AMOTL2: variants seen among roughly 807,000 people sequenced by gnomAD.
AMOTL2 encodes angiomotin like 2, also known as angiomotin-like protein 2.
AMOTL2 carries 33 observed loss-of-function variants against 78.4 expected under a neutral mutation model. The ratio of observed to expected loss-of-function variants is 0.42; its 90% confidence interval spans 0.32 to 0.56. The LOEUF is 0.56. AMOTL2 is among the 20% of genes least tolerant of loss of function. The pLI is 0.12. For synonymous variants in AMOTL2, 422 were observed against 428.8 expected, an observed-to-expected ratio of 0.98 and a Z score of 0.20; for missense variants, 983 against 1,030.1, an observed-to-expected ratio of 0.95 and a Z score of 0.63.
rs899585013 is a variant in AMOTL2, at chr3:134,371,116, G to A, written c.318C>T (p.Thr106=). The A allele has an allele frequency of 6.2e-7, 1 of 1,613,346 alleles. No individual in the cohort carries two copies. The highest frequency in any genetic ancestry group is 2.2e-5 in the East Asian group (1 of 44,858). Residue 106 remains threonine (T), a synonymous_variant, in exon 2 of 10, where the codon ACC becomes ACT. Coordinates refer to ENST00000249883, the MANE Select transcript of AMOTL2 (RefSeq NM_016201.4). ...PQPSKGEELP[T]YEEAKAHSQY... is the part of the protein sequence containing the mutation. The stretch of plus-strand genomic sequence containing the variant: ...GCGAGTGGGCTTTGGCCTCCTCATA[G>A]GTGGGCAGCTCCTCTCCCTTGCTGG...
intron 1 of AMOTL2, among the ~76,000 whole-genome samples, chr3:134,373,058 C>A (rs543737333): frequency 6.6e-6 from 1 of 152,270 alleles, no homozygotes; most frequent in South Asian, 2.1e-4. Context: ...TTTTCCCTCT[C>A]CCCACCCCAG....
At chr3:134,374,791 C>A, upstream of AMOTL2, 10 of 1,031,126 alleles carry the variant, frequency 9.7e-6, no homozygotes, top group Non-Finnish European at 1.2e-5. Flanking sequence ...TTATCGCCTC[C>A]ACTCCCAGTC....
upstream of AMOTL2, chr3:134,374,755 G>C (rs2018028074): frequency 1.3e-5 from 13 of 995,218 alleles, no homozygotes; most frequent in South Asian, 5.8e-4. Context: ...GGAGCTGCTG[G>C]AGACAATTTA....
chr3:134,371,863 A>G (rs1183715953), intron 1 of AMOTL2: 2 of 210,378 alleles, frequency 9.5e-6, no homozygotes, highest in Non-Finnish European at 1.9e-5. Flanking sequence ...GACAACAGGA[A>G]ACCAGAAGAT....
intron 5 of AMOTL2, 59 bp downstream of exon 5, chr3:134,365,758 T>C: frequency 6.1e-6 from 9 of 1,471,696 alleles, no homozygotes; most frequent in South Asian, 1.2e-5. Flanking sequence ...GTCCAGAGGG[T>C]GTGCAGCAGT....
At chr3:134,369,292 G>T (rs1272207804) in intron 2 of AMOTL2, among the ~76,000 whole-genome samples, 3 of 152,118 alleles carry the variant, frequency 2.0e-5, no homozygotes, top group Non-Finnish European at 4.4e-5. Context: ...GCTCCCCCCT[G>T]CACTGGGCCA....
intron 5 of AMOTL2, among the ~76,000 whole-genome samples, chr3:134,364,282 G>A (rs909861222): frequency 5.3e-5 from 8 of 151,948 alleles, no homozygotes; most frequent in Non-Finnish European, 1.2e-4. Flanking sequence ...GCGGCTGCAA[G>A]ATTAATGGCT....
Position 134,370,991 on chromosome 3 carries a change from C to A in AMOTL2, c.443G>T (p.Arg148Leu). 6.2e-7 allele frequency: 1 copy of A among 1,602,754 alleles called. No homozygotes were observed. Among genetic ancestry groups the A allele is most frequent in the Non-Finnish European group, 8.5e-7 (1 of 1,174,660 alleles). Residue 148 changes from arginine (R) to leucine (L), a missense_variant, in exon 2 of 10, where the codon CGG (arginine) becomes CTG (leucine). Transcript: ENST00000249883. ...GCGCACGTGCCCATGCCTCAGCTCCCGCAGGGCCTCGTCCTGCCTCCGACT... is the reference window on the plus strand; with the variant it reads ...GCGCACGTGCCCATGCCTCAGCTCCAGCAGGGCCTCGTCCTGCCTCCGACT... ...GGSRRQDEAL[R>L]ELRHGHVRSL...
intron 2 of AMOTL2, 143 bp from the exon 3 acceptor site, chr3:134,367,946 C>A: frequency 1.5e-6 from 1 of 673,298 alleles, no homozygotes; most frequent in Non-Finnish European, 2.4e-6. Context: ...AAAATTACTG[C>A]AGATAATTAT....
intron 5 of AMOTL2, among the ~76,000 whole-genome samples, chr3:134,364,520 G>A (rs2017524853): frequency 6.6e-6 from 1 of 151,868 alleles, no homozygotes; most frequent in South Asian, 2.1e-4. Context: ...GAAACCCCAG[G>A]GCTGCCCCCT....
chr3:134,358,748 A>G (rs1212099925), intron 8 of AMOTL2, 29 bp from the exon 9 acceptor site: 1 of 1,613,382 alleles, frequency 6.2e-7, no homozygotes, highest in Non-Finnish European at 8.5e-7. Flanking sequence ...GGTTATTGCC[A>G]TGCCTGTAAG....
At position 134,358,641 on chromosome 3, in the gene AMOTL2, C is replaced by T; in HGVS notation, c.2183G>A (p.Ser728Asn). 1 of 1,613,706 alleles carries T rather than the reference C, an allele frequency of 6.2e-7. No homozygotes were observed. Among genetic ancestry groups the T allele is most frequent in the East Asian group, 2.2e-5 (1 of 44,856 alleles). Residue 728 changes from serine (S) to asparagine (N), a missense_variant, in exon 9 of 10, where the codon AGC becomes AAC. Transcript: ENST00000249883. Reference sequence around the variant, plus strand: ...GTCTGGGGGGCCCTCAGTCTGGGTGCTCCCATCTCTGCTCCCGTGTTTGGC... The same window carrying T: ...GTCTGGGGGGCCCTCAGTCTGGGTGTTCCCATCTCTGCTCCCGTGTTTGGC... Reference protein sequence around the residue: ...AHAKHGSRDGSTQTEGPPDST... With the variant: ...AHAKHGSRDGNTQTEGPPDST...
Position 134,371,499 on chromosome 3 carries a change from A to C in AMOTL2, c.-61-5T>G. On this transcript the variant is annotated splice_region_variant and splice_polypyrimidine_tract_variant and intron_variant, in intron 1 of 9. Coordinates refer to ENST00000249883, the MANE Select transcript of AMOTL2 (RefSeq NM_016201.4). ...TGGCACCTGGCCCCAGAGCACCTGG[A>C]GTGGGGTGGGGAGAGAGAGAGAGAA... 1.3e-6 allele frequency: 2 copies of C among 1,586,336 alleles called. No homozygotes were observed. The highest frequency in any genetic ancestry group is 1.7e-6 in the Non-Finnish European group (2 of 1,170,100).
In AMOTL2 at chr3:134,371,349, GCGTCTCAGT is replaced by G; in HGVS notation, c.76_84del (p.Thr26_Thr28del). 6.2e-7 allele frequency: 1 copy of G among 1,611,140 alleles called. No individual in the cohort carries two copies. Among genetic ancestry groups the G allele is most frequent in the Non-Finnish European group, 8.5e-7 (1 of 1,180,016 alleles). Reference sequence around the variant, plus strand: ...TGCTGCTGGATGGCTAGCAGCGTGCGCGTCTCAGTCAGGTTGCCGTAGCGCAGCTGCTCC... The same window carrying G: ...TGCTGCTGGATGGCTAGCAGCGTGCGCAGGTTGCCGTAGCGCAGCTGCTCC... On this transcript the variant is annotated inframe_deletion, in exon 2 of 10. Transcript: ENST00000249883.
At chr3:134,360,073 C>G (rs200489847) in intron 7 of AMOTL2, 33 bp downstream of exon 7, 17 of 1,583,770 alleles carry the variant, frequency 1.1e-5, no homozygotes, top group African/African-American at 4.0e-5. Flanking sequence ...ACCCACCCCC[C>G]CAACCTCAGG....
Position 134,355,779 on chromosome 3 carries a change from G to A in AMOTL2, c.*1926C>T, listed in dbSNP as rs951686342. ...CACAAAATTCCTAAATTCTATCTTGGGTCCTTGAAGAGATTGGACTATGAC... is the reference window on the plus strand; with the variant it reads ...CACAAAATTCCTAAATTCTATCTTGAGTCCTTGAAGAGATTGGACTATGAC... On this transcript the variant is annotated 3_prime_UTR_variant, in exon 10 of 10. Coordinates refer to ENST00000249883, the MANE Select transcript of AMOTL2 (RefSeq NM_016201.4). 2.6e-5 allele frequency: 4 copies of A among 152,530 alleles called. No individual in the cohort carries two copies. Among genetic ancestry groups the A allele is most frequent in the African/African-American group, 9.7e-5 (4 of 41,410 alleles). The allele number at this position is 152,530 out of a possible 1,614,324, so 9.4% of individuals were successfully genotyped here.
intron 8 of AMOTL2, 75 bp downstream of exon 8, chr3:134,359,208 G>T: frequency 6.6e-7 from 1 of 1,526,132 alleles, no homozygotes; most frequent in Non-Finnish European, 9.0e-7. Context: ...GTTCTGGGAG[G>T]AAAGGTCTGG....
chr3:134,364,923 C>G (rs1251137706), intron 5 of AMOTL2, among the ~76,000 whole-genome samples: 1 of 152,138 alleles, frequency 6.6e-6, no homozygotes, highest in East Asian at 1.9e-4. Context: ...CTTCTGATTG[C>G]TAGAGCCTCC....
Position 134,366,409 on chromosome 3 carries a change from G to T in AMOTL2, c.1060C>A (p.Arg354=). 1 of 1,612,356 alleles carries T rather than the reference G, an allele frequency of 6.2e-7. No homozygotes were observed. The highest frequency in any genetic ancestry group is 1.1e-5 in the South Asian group (1 of 90,796). The change falls in exon 4 of 10, where the codon CGG becomes AGG. Residue 354 remains arginine (R), a synonymous_variant. Transcript: ENST00000249883. The part of the protein sequence containing the change: ...RIEKLESEIQ[R]LSEAHESLTR... ...AGGCTCTCATGGGCCTCAGAGAGCC[G>T]CTGGATTTCGCTTTCCAGCTGCAAG... is the stretch of plus-strand genomic sequence containing the variant.
Sources: gnomAD v4.1 joint callset for allele counts (sites outside exome capture counted in the v4.1 genomes callset) on GRCh38, gnomAD v4.1.1 for gene constraint, MANE v1.5 for transcripts, NCBI Gene and HGNC (gene_info 2026-07-23, HGNC 2026-07-21) for gene names.